DBN1: variants seen among roughly 807,000 people sequenced by gnomAD.
The protein encoded by DBN1 is drebrin 1, also known as drebrin.
DBN1 carries 21 observed loss-of-function variants against 83.5 expected under a neutral mutation model. The ratio of observed to expected loss-of-function variants is 0.25; its 90% CI spans 0.18 to 0.36. DBN1 has a LOEUF of 0.36. Ranked by LOEUF, DBN1 falls within the 10% of genes least tolerant of loss-of-function variation. The probability of loss-of-function intolerance (pLI) is 1.00; values close to 1 mark genes in which losing one functional copy is unlikely to be tolerated. For synonymous variants in DBN1, 381 were observed against 384.9 expected, an observed-to-expected ratio of 0.99 and a Z score of 0.12; for missense variants, 874 against 935.7, an observed-to-expected ratio of 0.93 and a Z score of 0.86.
In DBN1 at chr5:177,456,799, C is replaced by G. The variant is rs1434861432; in HGVS notation, c.*634G>C. 6.5e-6 allele frequency: 1 copy of G among 152,980 alleles called. No homozygotes were observed. The highest frequency in any genetic ancestry group is 2.4e-5 in the African/African-American group (1 of 41,362). The allele number at this position is 152,980 out of a possible 1,614,324, so 9.5% of individuals were successfully genotyped here. ...CCCCATCCATAGCCCTGACCTGAAC[C>G]GCGCCTAGGGCCTCCAACCTGGGAC... On this transcript the variant is annotated 3_prime_UTR_variant, in exon 15 of 15. Transcript: ENST00000393565.
chr5:177,464,906 G>A (rs1247639326), intron 8 of DBN1, among the ~76,000 whole-genome samples: 3 of 152,074 alleles, frequency 2.0e-5, no homozygotes, highest in Non-Finnish European at 4.4e-5. Context: ...TGTAATCCCA[G>A]CACTTTGGGT....
chr5:177,464,789 A>T (rs1757307048), intron 8 of DBN1, among the ~76,000 whole-genome samples: 1 of 151,892 alleles, frequency 6.6e-6, no homozygotes, highest in South Asian at 2.1e-4. Context: ...AAAATACAAA[A>T]ATTAGCCAGG....
At chr5:177,458,753 G>A (rs746588906) in intron 12 of DBN1, 46 bp from the exon 13 acceptor site, 13 of 1,438,846 alleles carry the variant, frequency 9.0e-6, no homozygotes, top group Non-Finnish European at 1.1e-5. Flanking sequence ...CTCCCCTCGG[G>A]GAGGATGGAG....
intron 1 of DBN1, chr5:177,471,970 G>C: frequency 1.3e-6 from 1 of 780,844 alleles, no homozygotes; most frequent in Non-Finnish European, 1.9e-6. Flanking sequence ...CCCCAGGCGG[G>C]GCCTTATCCC....
At position 177,467,310 on chromosome 5, in the gene DBN1, T is replaced by A; in HGVS notation, c.500A>T (p.Asp167Val). The change falls in exon 6 of 15, where the codon GAT becomes GTT. Residue 167 changes from aspartate (D) to valine (V), a missense_variant. Physicochemically the swap from Asp to Val is radical, Grantham distance 152 (BLOSUM62 -3). Transcript: ENST00000393565. The surrounding 1 kb of genome is among the most constrained non-coding windows in gnomAD (Gnocchi z 9.1). ...EPVGTTYQKT[D>V]AAVEMKRINR... ...AATCCGCTTCATTTCCACAGCTGCA[T>A]CCGTCTTCTGGTAGGTGGTGCCCTG... The A allele has an allele frequency of 6.2e-7, 1 of 1,614,106 alleles. No homozygotes were observed. Among genetic ancestry groups the A allele is most frequent in the Non-Finnish European group, 8.5e-7 (1 of 1,179,984 alleles).
chr5:177,460,496 C>A lies in DBN1; in HGVS notation c.891G>T (p.Gln297His). The A allele has an allele frequency of 6.2e-7, 1 of 1,614,206 alleles. No individual in the cohort carries two copies. Reference sequence around the variant, plus strand: ...CCGCAGAGGCCGATGCGACTCTTTCCTGCTGCTTGAAGAACTCCCTTGGGT... The same window carrying A: ...CCGCAGAGGCCGATGCGACTCTTTCATGCTGCTTGAAGAACTCCCTTGGGT... ...PDNPREFFKQ[Q>H]ERVASASAGS... is the part of the protein sequence containing the mutation. The change falls in exon 10 of 15, where the codon CAG (glutamine) becomes CAT (histidine). Residue 297 changes from glutamine (Q) to histidine (H), a missense_variant. Physicochemically the swap from Gln to His is conservative, Grantham distance 24 (BLOSUM62 0). This residue lies in a region of DBN1 where 725 missense variants were observed against 719.7 expected (regional missense o/e 1.01). Transcript: ENST00000393565.
At position 177,459,660 on chromosome 5, in the gene DBN1, T is replaced by G; in HGVS notation, c.1036A>C (p.Thr346Pro). Residue 346 changes from threonine (T) to proline (P), a missense_variant, in exon 11 of 15, where the codon ACT (threonine) becomes CCT (proline). Physicochemically the swap from Thr to Pro is conservative, Grantham distance 38 (BLOSUM62 -1). This residue lies in a region of DBN1 where 725 missense variants were observed against 719.7 expected (regional missense o/e 1.01). Coordinates refer to ENST00000393565, the MANE Select transcript of DBN1 (RefSeq NM_001363541.2). ...SSSSSSSPPR[T>P]PFPYITCHRT... ...TGGCAGGTGATATAGGGAAAGGGAG[T>G]CCGTGGAGGGGAGGAGGAGGAAGAG... 6.3e-7 allele frequency: 1 copy of G among 1,580,064 alleles called. No individual in the cohort carries two copies. The highest frequency in any genetic ancestry group is 1.4e-5 in the African/African-American group (1 of 73,146).
Position 177,460,717 on chromosome 5 carries a change from G to A in DBN1, c.772-14C>T. ...CCGATGGTCACCCTAGAAACCAAAG[G>A]GACAGTGTCTGGTGCACCTACCCCC... On this transcript the variant is annotated splice_polypyrimidine_tract_variant and intron_variant, in intron 8 of 14. Coordinates refer to ENST00000393565, the MANE Select transcript of DBN1 (RefSeq NM_001363541.2). The A allele has an allele frequency of 1.2e-6, 2 of 1,613,296 alleles. No homozygotes were observed. Among genetic ancestry groups the A allele is most frequent in the South Asian group, 1.1e-5 (1 of 91,060 alleles).
At chr5:177,468,054 A>C in intron 3 of DBN1, 54 bp downstream of exon 3, 1 of 722,410 alleles carries the variant, frequency 1.4e-6, no homozygotes. Context: ...CCGCATACCC[A>C]GTTGATGAGC....
In DBN1 at chr5:177,459,248, G is replaced by A. The variant is rs377045843; in HGVS notation, c.1114C>T (p.Arg372Trp). Residue 372 changes from arginine to tryptophan, a missense_variant, in exon 12 of 15, where the codon CGG (arginine) becomes TGG (tryptophan). Physicochemically the swap from Arg to Trp is moderately radical, Grantham distance 101. Transcript: ENST00000393565. ...GGGATGGGAGTGGGCGCCATCCTCCGGTGGCTGTCCAGGTGGCTGCCTGTG... is the reference window on the plus strand; with the variant it reads ...GGGATGGGAGTGGGCGCCATCCTCCAGTGGCTGTCCAGGTGGCTGCCTGTG... ...SLPCSHLDSHRRMAPTPIPTR... is the reference protein window; with the variant it reads ...SLPCSHLDSHWRMAPTPIPTR... 4.5e-5 allele frequency: 72 copies of A among 1,608,924 alleles called. 1 individual carries two copies. The highest frequency in any genetic ancestry group is 3.8e-4 in the South Asian group (35 of 91,024).
chr5:177,472,252 C>A, intron 1 of DBN1: 1 of 1,612,140 alleles, frequency 6.2e-7, no homozygotes, highest in African/African-American at 1.3e-5. Flanking sequence ...GAGTCCCCAC[C>A]TGGCTGCCCT....
chr5:177,458,977 G>A, intron 12 of DBN1, 121 bp downstream of exon 12: 2 of 1,485,116 alleles, frequency 1.3e-6, no homozygotes, highest in Non-Finnish European at 8.9e-7. Context: ...CCGCCTCCAG[G>A]GCAGTGCAGT....
chr5:177,464,948 A>C (rs1271757581), intron 8 of DBN1, among the ~76,000 whole-genome samples: 1 of 151,612 alleles, frequency 6.6e-6, no homozygotes, highest in African/African-American at 2.4e-5. Context: ...AGGTCAGGAG[A>C]TCGAGACCAC....
Position 177,456,765 on chromosome 5 carries a change from GCC to G in DBN1, c.*666_*667del, listed in dbSNP as rs1756522970. On this transcript the variant is annotated 3_prime_UTR_variant, in exon 15 of 15. Transcript: ENST00000393565. ...AAGGAGTTGGGGAGGGGCCACCAAA[GCC>G]CCTGGGCCCCATCCATAGCCCTGAC... 6.8e-6 allele frequency: 1 copy of G among 146,606 alleles called. No homozygotes were observed. Among genetic ancestry groups the G allele is most frequent in the South Asian group, 2.2e-4 (1 of 4,480 alleles). The allele number at this position is 146,606 out of a possible 1,614,324, so 9.1% of individuals were successfully genotyped here. A position where few individuals can be genotyped will look rare whatever the true frequency, so the allele number is the denominator to read the frequency against.
rs147152750 is a variant in DBN1 at position 177,468,179 on chromosome 5, T to G, written c.184A>C (p.Lys62Gln). 2.9e-5 allele frequency: 47 copies of G among 1,614,024 alleles called. No homozygotes were observed. The highest frequency in any genetic ancestry group is 3.3e-4 in the Middle Eastern group (2 of 6,076). ...ACACTGCAGAAGCCGTACATCACCT[T>G]CTGGTTCTCAAAGTGTCCCGAAAGC... is the stretch of plus-strand genomic sequence containing the variant. The part of the protein sequence containing the change: ...QELSGHFENQ[K>Q]VMYGFCSVKD... The change falls in exon 3 of 15, where the codon AAG becomes CAG. Residue 62 changes from lysine to glutamine, a missense_variant. This residue lies in a region of DBN1 where 82 missense variants were observed against 101.7 expected (regional missense o/e 0.81). Coordinates refer to ENST00000393565, the MANE Select transcript of DBN1 (RefSeq NM_001363541.2).
At position 177,467,829 on chromosome 5, in the gene DBN1, C is replaced by A. The variant is rs1233877417; in HGVS notation, c.256-12G>T. 1.2e-5 allele frequency: 19 copies of A among 1,569,258 alleles called. No individual in the cohort carries two copies. Among genetic ancestry groups the A allele is most frequent in the Non-Finnish European group, 1.6e-5 (19 of 1,157,652 alleles). Reference sequence around the variant, plus strand: ...ACATCTTCGCCCACCTGCAAAGTACCCAGCAAAGAGGGGGTCAGGAAAGGA... The same window carrying A: ...ACATCTTCGCCCACCTGCAAAGTACACAGCAAAGAGGGGGTCAGGAAAGGA... On this transcript the variant is annotated splice_polypyrimidine_tract_variant and intron_variant, in intron 3 of 14. Coordinates refer to ENST00000393565, the MANE Select transcript of DBN1 (RefSeq NM_001363541.2). This position sits in a 1 kb window ranked among gnomAD's most constrained non-coding sequence, Gnocchi z 9.1.
At chr5:177,472,953 C>G (rs1757955902) in intron 1 of DBN1, 1 of 556,276 alleles carries the variant, frequency 1.8e-6, no homozygotes, top group African/African-American at 2.0e-5. Context: ...CCCCCGCCCT[C>G]GCTTTCCTTT....
rs1274775920 is a variant in DBN1 at position 177,469,150 on chromosome 5, G to A, written c.87-251C>T. Among the ~76,000 whole-genome samples the A allele has an allele frequency of 2.6e-5, 4 of 152,186 alleles. No homozygotes were observed. In the East Asian group the frequency reaches 7.7e-4, roughly 29 times the overall value. ...GCTGGCTGGTCGAGCTCAGTGCGCA[G>A]CATCCCGGCCCTGGCCCTGGCAGCC... On this transcript the variant is annotated intron_variant, in intron 1 of 14. Coordinates refer to ENST00000393565, the MANE Select transcript of DBN1 (RefSeq NM_001363541.2).
Position 177,467,097 on chromosome 5 carries a change from A to G in DBN1, c.556-35T>C. On this transcript the variant is annotated intron_variant, in intron 6 of 14. Coordinates refer to ENST00000393565, the MANE Select transcript of DBN1 (RefSeq NM_001363541.2). The surrounding 1 kb of genome is among the most constrained non-coding windows in gnomAD (Gnocchi z 9.1). The stretch of plus-strand genomic sequence containing the variant: ...CCGGTGCGAACAAGGGTAGGCCCCG[A>G]GCCTAGGCGCCTGGACCCTGCCCCT... 2 of 1,612,750 alleles carry G rather than the reference A, an allele frequency of 1.2e-6. No homozygotes were observed. The highest frequency in any genetic ancestry group is 1.7e-6 in the Non-Finnish European group (2 of 1,179,728).
Sources: allele counts gnomAD v4.1 joint callset (sites outside exome capture counted in the v4.1 genomes callset), GRCh38; gene constraint gnomAD v4.1.1; regional missense constraint gnomAD v4.1.1; non-coding constraint Gnocchi (gnomAD v3.1); transcripts MANE v1.5; gene names NCBI Gene and HGNC (gene_info 2026-07-23, HGNC 2026-07-21).